Variants in CDH20 observed in about 807,000 individuals in gnomAD.
The protein encoded by CDH20 is cadherin-20.
In CDH20, 29 loss-of-function variants were observed where a neutral mutation model predicts 74.2. The observed-to-expected ratio is 0.39, with a 90% CI of 0.29 to 0.53. CDH20 has a LOEUF of 0.53. Among genes scored for constraint, CDH20 ranks in the 20% least tolerant of loss-of-function variants. The probability of loss-of-function intolerance (pLI) is 0.69; values close to 1 mark genes in which losing one functional copy is unlikely to be tolerated. For synonymous variants in CDH20, 469 were observed against 405.4 expected (o/e 1.16, Z -1.88); for missense variants, 988 against 1,048.3 (o/e 0.94, Z 0.79).
rs188086984 is a variant in CDH20, at chr18:61,523,529, G to A, written c.1018-4438G>A. Among the ~76,000 whole-genome samples, 487 of 152,250 alleles carry A rather than the reference G, an allele frequency of 3.2e-3. 6 individuals carry two copies. Among genetic ancestry groups the A allele is most frequent in the African/African-American group, 0.011 (454 of 41,538 alleles). On this transcript the variant is annotated intron_variant, in intron 6 of 11. Coordinates refer to ENST00000262717, the MANE Select transcript of CDH20 (RefSeq NM_031891.4). Reference sequence around the variant, plus strand: ...AATGTGGTGATTCCTCAAGGATCTAGAACCAGAAATACCATATGACCCAGC... The same window carrying A: ...AATGTGGTGATTCCTCAAGGATCTAAAACCAGAAATACCATATGACCCAGC...
Position 61,480,797 on chromosome 18 carries a change from T to C in CDH20, c.-152-9605T>C, listed in dbSNP as rs539622367. Among the ~76,000 whole-genome samples the C allele has an allele frequency of 1.6e-4, 25 of 152,364 alleles. 1 individual carries two copies. Among genetic ancestry groups the C allele is most frequent in the African/African-American group, 5.8e-4 (24 of 41,584 alleles). On this transcript the variant is annotated intron_variant, in intron 1 of 11. Coordinates refer to ENST00000262717, the MANE Select transcript of CDH20 (RefSeq NM_031891.4). Reference sequence around the variant, plus strand: ...CTGCAAATGATGCTTTAACTTTACATTACAAGTGATCTCACAGTTCTAGTA... The same window carrying C: ...CTGCAAATGATGCTTTAACTTTACACTACAAGTGATCTCACAGTTCTAGTA...
intron 9 of CDH20, among the ~76,000 whole-genome samples, chr18:61,543,037 T>C (rs1202568727): frequency 6.6e-6 from 1 of 151,998 alleles, no homozygotes; most frequent in Non-Finnish European, 1.5e-5. Context: ...ATGCAAACCA[T>C]AGGAGTGGGT....
intron 1 of CDH20, among the ~76,000 whole-genome samples, chr18:61,410,010 T>C (rs543139404): frequency 6.6e-6 from 1 of 152,342 alleles, no homozygotes; most frequent in East Asian, 1.9e-4. Flanking sequence ...AGAATCTTCT[T>C]TATGATTTTT....
chr18:61,523,140 G>C (rs1912269458), intron 6 of CDH20, among the ~76,000 whole-genome samples: 1 of 151,298 alleles, frequency 6.6e-6, no homozygotes, highest in African/African-American at 2.4e-5. Flanking sequence ...TACATAATGG[G>C]AGAAAATTTT....
intron 1 of CDH20, among the ~76,000 whole-genome samples, chr18:61,354,642 T>A (rs916219881): frequency 3.4e-4 from 51 of 151,686 alleles, no homozygotes; most frequent in African/African-American, 1.2e-3. Context: ...CCTAGGTTTT[T>A]TTTCAAATGA....
rs1265851069 is a variant in CDH20, at chr18:61,538,588, G to GT, written c.1409-433dup. 4.8e-3 allele frequency among the ~76,000 whole-genome samples: 267 copies of GT among 55,066 alleles called. 44 individuals carry two copies. The highest frequency in any genetic ancestry group is 0.02 in the Middle Eastern group (2 of 98). The allele number at this position is 55,066 out of a possible 152,430, so 36.1% of individuals were successfully genotyped here. On this transcript the variant is annotated intron_variant, in intron 8 of 11. Coordinates refer to ENST00000262717, the MANE Select transcript of CDH20 (RefSeq NM_031891.4). ...CCAAGTAAATAACTACTTTTTGTTT[G>GT]TTTGTTTGTTTTTGTTTTTGTTTTT...
chr18:61,417,176 T>C (rs1731996197), intron 1 of CDH20, among the ~76,000 whole-genome samples: 1 of 152,154 alleles, frequency 6.6e-6, no homozygotes. Flanking sequence ...AAAGTCTGGC[T>C]TTCACAAAGA....
At chr18:61,501,655 G>A (rs1599130051) in intron 4 of CDH20, among the ~76,000 whole-genome samples, 1 of 152,080 alleles carries the variant, frequency 6.6e-6, no homozygotes, top group South Asian at 2.1e-4. Flanking sequence ...AGGGAAACCA[G>A]ACATTCAGAA....
chr18:61,470,118 T>C (rs1910112622), intron 1 of CDH20, among the ~76,000 whole-genome samples: 1 of 152,156 alleles, frequency 6.6e-6, no homozygotes, highest in African/African-American at 2.4e-5. Flanking sequence ...CGGCGGTCTG[T>C]GTGTCAGTTC....
intron 1 of CDH20, among the ~76,000 whole-genome samples, chr18:61,358,984 C>T (rs1471455128): frequency 6.6e-6 from 1 of 152,034 alleles, no homozygotes; most frequent in African/African-American, 2.4e-5. Flanking sequence ...GGTCTCACAA[C>T]CTTCTGTTTT....
intron 1 of CDH20, among the ~76,000 whole-genome samples, chr18:61,481,784 G>A (rs1245096210): frequency 1.3e-5 from 2 of 151,984 alleles, no homozygotes; most frequent in African/African-American, 4.8e-5. Context: ...CTAGCCTCAA[G>A]CAATTCTCCC....
chr18:61,479,225 A>ATC (rs1568156865), intron 1 of CDH20, among the ~76,000 whole-genome samples: 2 of 151,740 alleles, frequency 1.3e-5, no homozygotes, highest in African/African-American at 4.8e-5. Context: ...CCAAAAAAAA[A>ATC]CCCAAGATGG....
intron 1 of CDH20, among the ~76,000 whole-genome samples, chr18:61,354,296 C>T (rs544151080): frequency 6.6e-6 from 1 of 152,202 alleles, no homozygotes; most frequent in East Asian, 1.9e-4. Flanking sequence ...AAAAGTCACG[C>T]AAGCCTCTGG....
chr18:61,474,607 G>A (rs1910301296), intron 1 of CDH20, among the ~76,000 whole-genome samples: 1 of 152,176 alleles, frequency 6.6e-6, no homozygotes, highest in Admixed American at 6.5e-5. Flanking sequence ...AGATGAGAAT[G>A]TTATATTGCT....
intron 1 of CDH20, among the ~76,000 whole-genome samples, chr18:61,405,624 T>A (rs1912306005): frequency 6.6e-6 from 1 of 152,106 alleles, no homozygotes; most frequent in Non-Finnish European, 1.5e-5. Flanking sequence ...AAAACTATTA[T>A]AAACAAATTC....
chr18:61,388,181 G>C (rs1182216389), intron 1 of CDH20, among the ~76,000 whole-genome samples: 1 of 152,200 alleles, frequency 6.6e-6, no homozygotes, highest in African/African-American at 2.4e-5. Context: ...AGAGGAAGCA[G>C]TTTATGAAAT....
chr18:61,377,684 A>C (rs1198380444), intron 1 of CDH20, among the ~76,000 whole-genome samples: 1 of 152,150 alleles, frequency 6.6e-6, no homozygotes, highest in Non-Finnish European at 1.5e-5. Context: ...GGCTGTCACC[A>C]AATCAAGATT....
intron 6 of CDH20, among the ~76,000 whole-genome samples, chr18:61,522,634 T>A (rs1000537209): frequency 4.1e-4 from 63 of 152,332 alleles, no homozygotes; most frequent in African/African-American, 1.5e-3. Flanking sequence ...ATAACAAAGC[T>A]GGAGGCATCA....
chr18:61,499,377 G>A lies in CDH20; in HGVS notation c.438G>A (p.Glu146=), dbSNP rs764908354. The change falls in exon 3 of 12, where the codon GAG becomes GAA. Residue 146 remains glutamate, a synonymous_variant. Coordinates refer to ENST00000262717, the MANE Select transcript of CDH20 (RefSeq NM_031891.4). Reference sequence around the variant, plus strand: ...ACAGGCGGACGGGCAGGCCAATGGAGCCCGAGTCAGAGTTCATCATCAAAA... The same window carrying A: ...ACAGGCGGACGGGCAGGCCAATGGAACCCGAGTCAGAGTTCATCATCAAAA... ...ALDRRTGRPM[E]PESEFIIKIQ... is the part of the protein sequence containing the mutation. The A allele has an allele frequency of 1.9e-6, 3 of 1,614,120 alleles. No individual in the cohort carries two copies. In the South Asian group the frequency reaches 3.3e-5, roughly 18 times the overall value.
Sources: allele counts gnomAD v4.1 joint callset (sites outside exome capture counted in the v4.1 genomes callset), GRCh38; gene constraint gnomAD v4.1.1; transcripts MANE v1.5; gene names NCBI Gene and HGNC (gene_info 2026-07-23, HGNC 2026-07-21).